The following ARHGEF1 variants were observed in gnomAD, a reference collection of about 807,000 sequenced individuals.
The protein encoded by ARHGEF1 is 115 kDa guanine nucleotide exchange factor.
In ARHGEF1, 40 loss-of-function variants were observed where a neutral mutation model predicts 119.7. The observed-to-expected ratio is 0.33, with a 90% CI of 0.26 to 0.44. The LOEUF (loss-of-function observed/expected upper bound fraction) is 0.44, where lower values mean the gene tolerates loss of function less well. ARHGEF1 is among the 20% of genes least tolerant of loss of function. ARHGEF1 has a pLI of 1.00. For synonymous variants in ARHGEF1, 494 were observed against 521.0 expected, an observed-to-expected ratio of 0.95 and a Z score of 0.71; for missense variants, 976 against 1,268.3, an observed-to-expected ratio of 0.77 and a Z score of 3.50.
intron 18 of ARHGEF1, chr19:41,912,999 G>A (rs1199504797): frequency 5.6e-6 from 4 of 716,486 alleles, no homozygotes; most frequent in South Asian, 7.0e-5. Context: ...GTCAGCCAGC[G>A]GGGCGCTGCC....
rs782599588 is a variant in ARHGEF1 at position 41,904,260 on chromosome 19, C to T, written c.2038C>T (p.Arg680Cys). 3.7e-6 allele frequency: 6 copies of T among 1,613,130 alleles called. No individual in the cohort carries two copies. The highest frequency in any genetic ancestry group is 1.1e-5 in the South Asian group (1 of 91,074). ...GGACGACCTGCTGCTGCTGCTCCAG[C>T]GCCAGGACGAGCGGCTGCTGCTCAA... ...LLDDLLLLLQ[R>C]QDERLLLKSH... Residue 680 changes from arginine to cysteine, a missense_variant, in exon 22 of 29, where the codon CGC (arginine) becomes TGC (cysteine). By Grantham distance (180) the Arg-to-Cys change is radical. This residue lies in a region of ARHGEF1 where 286 missense variants were observed against 506.8 expected (regional missense o/e 0.56). Transcript: ENST00000354532. The surrounding 1 kb of genome is among the most constrained non-coding windows in gnomAD (Gnocchi z 8.4).
chr19:41,892,986 T>C lies in ARHGEF1; in HGVS notation c.614+137T>C. On this transcript the variant is annotated intron_variant, in intron 7 of 28. Transcript: ENST00000354532. This position sits in a 1 kb window ranked among gnomAD's most constrained non-coding sequence, Gnocchi z 6.3. ...CATTTCTTGGCACTGGGGGTCTTCC[T>C]CTACCCTGGTGTTTTAACTCACCTT... The C allele has an allele frequency of 7.7e-7, 1 of 1,299,120 alleles. No homozygotes were observed. The highest frequency in any genetic ancestry group is 1.0e-6 in the Non-Finnish European group (1 of 978,822). The allele number at this position is 1,299,120 out of a possible 1,614,324, so 80.5% of individuals were successfully genotyped here.
upstream of ARHGEF1, among the ~76,000 whole-genome samples, chr19:41,921,696 A>T (rs2074843132): frequency 6.6e-6 from 1 of 152,112 alleles, no homozygotes; most frequent in South Asian, 2.1e-4. This position sits in a 1 kb window ranked among gnomAD's most constrained non-coding sequence, Gnocchi z 4.4. Context: ...GGGCAGAGGC[A>T]GGAGAGGGAT....
At position 41,906,675 on chromosome 19, in the gene ARHGEF1, C is replaced by T. The variant is rs782054198; in HGVS notation, c.2656-28C>T. 3 of 1,600,086 alleles carry T rather than the reference C, an allele frequency of 1.9e-6. No individual in the cohort carries two copies. Among genetic ancestry groups the T allele is most frequent in the Middle Eastern group, 1.7e-4 (1 of 5,968 alleles). ...AGTGGGCTGGGGAAGGAAGGGGCCC[C>T]CCTCATCCATGACCCCCACCCCACC... On this transcript the variant is annotated intron_variant, in intron 27 of 28. Coordinates refer to ENST00000354532, the MANE Select transcript of ARHGEF1 (RefSeq NM_004706.4). The surrounding 1 kb of genome is among the most constrained non-coding windows in gnomAD (Gnocchi z 4.5).
intron 1 of ARHGEF1, chr19:41,884,230 C>T: frequency 6.7e-6 from 4 of 594,404 alleles, no homozygotes; most frequent in Non-Finnish European, 1.2e-5. Flanking sequence ...AAACGCTGGC[C>T]CTCCAAGACA....
chr19:41,909,492 T>G (rs182096830), downstream of ARHGEF1: 8,582 of 1,251,504 alleles, frequency 6.9e-3, 37 homozygotes, highest in Non-Finnish European at 8.0e-3. The surrounding 1 kb of genome is among the most constrained non-coding windows in gnomAD (Gnocchi z 5.2). Flanking sequence ...AGTGGTGGTG[T>G]TGGGGAGGTG....
intron 28 of ARHGEF1, 73 bp from the exon 29 acceptor site, chr19:41,907,032 T>C (rs2074712390): frequency 7.4e-7 from 1 of 1,359,194 alleles, no homozygotes; most frequent in Non-Finnish European, 9.7e-7. Flanking sequence ...CTCCCTGTCT[T>C]GTCTCTGTGT....
intron 1 of ARHGEF1, chr19:41,884,619 T>C: frequency 1.3e-5 from 17 of 1,334,864 alleles, no homozygotes; most frequent in Non-Finnish European, 1.5e-5. Context: ...GCCACGTCCA[T>C]GTAAGATTTG....
chr19:41,904,422 CTT>C lies in ARHGEF1; in HGVS notation c.2161+44_2161+45del. ...CTGCATGGCCCAGGGCAGAGGGTGT[CTT>C]TTTTGGGCAGAGCTGCCTGTGGAGT... On this transcript the variant is annotated intron_variant, in intron 22 of 28. Coordinates refer to ENST00000354532, the MANE Select transcript of ARHGEF1 (RefSeq NM_004706.4). The surrounding 1 kb of genome is among the most constrained non-coding windows in gnomAD (Gnocchi z 8.4). 6.6e-7 allele frequency: 1 copy of C among 1,507,778 alleles called. No homozygotes were observed. Among genetic ancestry groups the C allele is most frequent in the Non-Finnish European group, 8.9e-7 (1 of 1,128,138 alleles). The allele number at this position is 1,507,778 out of a possible 1,614,324, so 93.4% of individuals were successfully genotyped here. A position where few individuals can be genotyped will look rare whatever the true frequency, so the allele number is the denominator to read the frequency against.
chr19:41,914,522 T>C (rs2074775106), intron 18 of ARHGEF1, among the ~76,000 whole-genome samples: 1 of 150,340 alleles, frequency 6.7e-6, no homozygotes, highest in East Asian at 2.0e-4. Flanking sequence ...CCTATGACTT[T>C]CTCCCCATCT....
chr19:41,888,658 C>A lies in ARHGEF1; in HGVS notation c.112-94C>A. On this transcript the variant is annotated intron_variant, in intron 3 of 28. Transcript: ENST00000354532. The surrounding 1 kb of genome is among the most constrained non-coding windows in gnomAD (Gnocchi z 5.1). Reference sequence around the variant, plus strand: ...CCCACTTCCCAGGAGCTAACCCTGGCTTGGATCCCTTGTGAAGTGCCAGGA... The same window carrying A: ...CCCACTTCCCAGGAGCTAACCCTGGATTGGATCCCTTGTGAAGTGCCAGGA... 1.6e-6 allele frequency: 2 copies of A among 1,224,106 alleles called. No homozygotes were observed. Among genetic ancestry groups the A allele is most frequent in the Non-Finnish European group, 2.4e-6 (2 of 846,792 alleles). 75.8% of individuals were successfully genotyped at this position (1,224,106 alleles called of 1,614,324 possible).
chr19:41,923,255 C>T (rs763110976), intron 1 of ARHGEF1: 72 of 446,664 alleles, frequency 1.6e-4, no homozygotes, highest in Non-Finnish European at 2.9e-4. Flanking sequence ...TCTAGGCCCC[C>T]GATATTTGTA....
chr19:41,891,673 G>A (rs1600649531), intron 4 of ARHGEF1, among the ~76,000 whole-genome samples: 2 of 152,162 alleles, frequency 1.3e-5, no homozygotes, highest in South Asian at 4.1e-4. Flanking sequence ...GATTGAACAC[G>A]TTAATGCATG....
At position 41,902,867 on chromosome 19, in the gene ARHGEF1, C is replaced by A; in HGVS notation, c.1707C>A (p.Pro569=). 1 of 1,612,910 alleles carries A rather than the reference C, an allele frequency of 6.2e-7. No individual in the cohort carries two copies. The highest frequency in any genetic ancestry group is 8.5e-7 in the Non-Finnish European group (1 of 1,179,708). The change falls in exon 18 of 29, where the codon CCC becomes CCA. Residue 569 remains proline, a synonymous_variant. Coordinates refer to ENST00000354532, the MANE Select transcript of ARHGEF1 (RefSeq NM_004706.4). This position sits in a 1 kb window ranked among gnomAD's most constrained non-coding sequence, Gnocchi z 6.5. ...AGATGCAGCGGCTGACCAAGTACCC[C>A]CTGCTCCTGCAGAGCATCGGGCAGA... is the stretch of plus-strand genomic sequence containing the variant. ...PTEMQRLTKY[P]LLLQSIGQNT...
At chr19:41,907,579 CATTT>C (rs1275603669), downstream of ARHGEF1, 11 of 634,916 alleles carry the variant, frequency 1.7e-5, no homozygotes, top group Non-Finnish European at 2.6e-5. Flanking sequence ...TTCATTCATT[CATTT>C]CTTTGTTTGA....
rs2145859398 is a variant in ARHGEF1, at chr19:41,904,362, A to T, written c.2140A>T (p.Met714Leu). 6.3e-7 allele frequency: 1 copy of T among 1,584,934 alleles called. No individual in the cohort carries two copies. Among genetic ancestry groups the T allele is most frequent in the East Asian group, 2.3e-5 (1 of 43,330 alleles). Reference protein sequence around the residue: ...LRPVLRLTSAMTREVATDHKA... With the variant: ...LRPVLRLTSALTREVATDHKA... ...GCCCGTGCTGCGGCTCACCTCCGCC[A>T]TGACCCGCGAGGTGGCCACCGGTGA... Residue 714 changes from methionine (M) to leucine (L), a missense_variant, in exon 22 of 29, where the codon ATG (methionine) becomes TTG (leucine). Physicochemically the swap from Met to Leu is conservative, Grantham distance 15 (BLOSUM62 2). Coordinates refer to ENST00000354532, the MANE Select transcript of ARHGEF1 (RefSeq NM_004706.4). The surrounding 1 kb of genome is among the most constrained non-coding windows in gnomAD (Gnocchi z 8.4).
rs1054862150 is a variant in ARHGEF1 at position 41,917,953 on chromosome 19, C to T, written c.1866-5139C>T. Among the ~76,000 whole-genome samples, 8 of 151,930 alleles carry T rather than the reference C, an allele frequency of 5.3e-5. No individual in the cohort carries two copies. The highest frequency in any genetic ancestry group is 1.2e-4 in the African/African-American group (5 of 41,294). Reference sequence around the variant, plus strand: ...GTGTGTGTGTGCTCACACACCTGTCCGTCCAGACTATAGCCACGTCCATGT... The same window carrying T: ...GTGTGTGTGTGCTCACACACCTGTCTGTCCAGACTATAGCCACGTCCATGT... On this transcript the variant is annotated intron_variant, in intron 18 of 20. Coordinates refer to the ARHGEF1 transcript ENST00000599589. This position sits in a 1 kb window ranked among gnomAD's most constrained non-coding sequence, Gnocchi z 4.8.
chr19:41,921,963 A>G (rs1419435292), upstream of ARHGEF1, among the ~76,000 whole-genome samples: 1 of 141,466 alleles, frequency 7.1e-6, no homozygotes, highest in Non-Finnish European at 1.5e-5. This position sits in a 1 kb window ranked among gnomAD's most constrained non-coding sequence, Gnocchi z 4.4. Context: ...CTCATCCCCA[A>G]CTCCCACCCC....
chr19:41,906,989 C>A lies in ARHGEF1; in HGVS notation c.*18-116C>A. The A allele has an allele frequency of 9.3e-7, 1 of 1,079,318 alleles. No homozygotes were observed. 66.9% of individuals were successfully genotyped at this position (1,079,318 alleles called of 1,614,324 possible). A position where few individuals can be genotyped will look rare whatever the true frequency, so the allele number is the denominator to read the frequency against. ...TCTGTTTCTCTGTCTCTGTGCCCGC[C>A]TGCCTCTCCCCACCTCCCCTTCTCT... On this transcript the variant is annotated intron_variant, in intron 28 of 28. Transcript: ENST00000354532. This position sits in a 1 kb window ranked among gnomAD's most constrained non-coding sequence, Gnocchi z 4.5.
Sources: allele counts gnomAD v4.1 joint callset (sites outside exome capture counted in the v4.1 genomes callset), GRCh38; gene constraint gnomAD v4.1.1; regional missense constraint gnomAD v4.1.1; non-coding constraint Gnocchi (gnomAD v3.1); transcripts MANE v1.5; gene names NCBI Gene and HGNC (gene_info 2026-07-23, HGNC 2026-07-21).